The following STX3 variants were observed in gnomAD, a reference collection of about 807,000 sequenced individuals.
The protein encoded by STX3 is syntaxin-3.
A neutral mutation model predicts 40.2 loss-of-function variants in STX3; 19 were observed. The observed-to-expected ratio is 0.47, with a 90% confidence interval of 0.33 to 0.69. The LOEUF is 0.69. STX3 is among the 30% of genes least tolerant of loss of function. STX3 has a pLI of 0.02. For missense variants in STX3, 364 were observed against 366.7 expected (o/e 0.99, Z 0.06); for synonymous variants, 122 against 132.2 (o/e 0.92, Z 0.53).
chr11:59,793,655 T>G, intron 8 of STX3, 141 bp downstream of exon 8: 1 of 1,183,490 alleles, frequency 8.4e-7, no homozygotes, highest in Non-Finnish European at 1.2e-6. Context: ...AGAAACAGAA[T>G]CCCATGGGAA....
chr11:59,802,778 T>A lies in STX3; in HGVS notation c.*1954T>A, dbSNP rs920796368. ...CCATGTGGTGATTTTTATTCAGGTT[T>A]TAGAATGCAGTTCACACCTTTTTAA... is the stretch of plus-strand genomic sequence containing the variant. On this transcript the variant is annotated 3_prime_UTR_variant, in exon 11 of 11. Transcript: ENST00000337979. 1.0e-6 allele frequency: 1 copy of A among 986,244 alleles called. No individual in the cohort carries two copies. The highest frequency in any genetic ancestry group is 1.7e-5 in the African/African-American group (1 of 57,294). 61.1% of individuals were successfully genotyped at this position (986,244 alleles called of 1,614,324 possible).
intron 10 of STX3, chr11:59,799,913 T>A: frequency 1.0e-6 from 1 of 985,380 alleles, no homozygotes; most frequent in Non-Finnish European, 1.2e-6. Flanking sequence ...ACAATCTGAT[T>A]GAAATAGATG....
intron 1 of STX3, among the ~76,000 whole-genome samples, chr11:59,762,735 G>A (rs1863100493): frequency 6.6e-6 from 1 of 152,164 alleles, no homozygotes; most frequent in Non-Finnish European, 1.5e-5. Flanking sequence ...GGGAAGAAGT[G>A]TGGGGTGGAG....
At chr11:59,783,488 T>C (rs1864551379) in intron 2 of STX3, among the ~76,000 whole-genome samples, 1 of 152,226 alleles carries the variant, frequency 6.6e-6, no homozygotes, top group African/African-American at 2.4e-5. Flanking sequence ...CATAGCATCA[T>C]TTCTGATACA....
Position 59,795,365 on chromosome 11 carries a change from T to G in STX3, c.676-7T>G, listed in dbSNP as rs1208459629. The G allele has an allele frequency of 2.5e-6, 4 of 1,610,186 alleles. No homozygotes were observed. In the South Asian group the frequency reaches 3.3e-5, roughly 13 times the overall value. Reference sequence around the variant, plus strand: ...TACTTGGTGTGATCAGAGTCTGTTCTTTGCAGGGTGAGATGTTAGATAACA... The same window carrying G: ...TACTTGGTGTGATCAGAGTCTGTTCGTTGCAGGGTGAGATGTTAGATAACA... On this transcript the variant is annotated splice_region_variant and splice_polypyrimidine_tract_variant and intron_variant, in intron 8 of 10. Transcript: ENST00000337979.
rs1165886401 is a variant in STX3 at position 59,802,820 on chromosome 11, G to C, written c.*1996G>C. On this transcript the variant is annotated 3_prime_UTR_variant, in exon 11 of 11. Coordinates refer to ENST00000337979, the MANE Select transcript of STX3 (RefSeq NM_004177.5). Reference sequence around the variant, plus strand: ...CCTTTTTAAGCCATGTGCTGGATCAGATGGTTCAAAAGTGCAATTTTTGAA... The same window carrying C: ...CCTTTTTAAGCCATGTGCTGGATCACATGGTTCAAAAGTGCAATTTTTGAA... The C allele has an allele frequency of 1.3e-5, 13 of 989,996 alleles. No homozygotes were observed. Among genetic ancestry groups the C allele is most frequent in the Non-Finnish European group, 1.6e-5 (13 of 833,202 alleles). The allele number at this position is 989,996 out of a possible 1,614,324, so 61.3% of individuals were successfully genotyped here.
intron 1 of STX3, among the ~76,000 whole-genome samples, chr11:59,768,185 G>C (rs1863376087): frequency 6.6e-6 from 1 of 152,244 alleles, no homozygotes; most frequent in Non-Finnish European, 1.5e-5. Flanking sequence ...TAAAACCAAA[G>C]AGTACGTTTT....
intron 2 of STX3, among the ~76,000 whole-genome samples, chr11:59,780,930 G>C (rs1210333386): frequency 6.6e-6 from 1 of 152,082 alleles, no homozygotes; most frequent in Non-Finnish European, 1.5e-5. Context: ...GTTTTCATTG[G>C]TCAGTATAAT....
chr11:59,775,538 G>A lies in STX3; in HGVS notation c.114+2244G>A, dbSNP rs552453682. 5.3e-5 allele frequency among the ~76,000 whole-genome samples: 8 copies of A among 152,346 alleles called. No homozygotes were observed. In the South Asian group the frequency reaches 1.0e-3, roughly 20 times the overall value. On this transcript the variant is annotated intron_variant, in intron 2 of 10. Transcript: ENST00000337979. ...ACCCTCTTTGTTAGGTGTGAAGATG[G>A]TGGGCTTTGGCCTCTAAAACATGGT...
chr11:59,787,573 C>T (rs752852978), intron 3 of STX3, among the ~76,000 whole-genome samples: 2 of 152,132 alleles, frequency 1.3e-5, no homozygotes, highest in Non-Finnish European at 2.9e-5. Context: ...ACAGAAATTC[C>T]TTCTATCCCT....
chr11:59,781,318 C>A, intron 2 of STX3: 1 of 1,583,188 alleles, frequency 6.3e-7, no homozygotes, highest in Non-Finnish European at 8.6e-7. Flanking sequence ...AATTTTTATT[C>A]TACTTTTTCA....
In STX3 at chr11:59,802,925, T is replaced by C; in HGVS notation, c.*2101T>C. The C allele has an allele frequency of 2.0e-6, 2 of 985,442 alleles. No homozygotes were observed. Among genetic ancestry groups the C allele is most frequent in the East Asian group, 2.3e-4 (2 of 8,820 alleles). The allele number at this position is 985,442 out of a possible 1,614,324, so 61.0% of individuals were successfully genotyped here. ...GGTGTTCCCCCCAAAAGAATTTGGTTCAGTCCTTGGGAGTATCTGGCTTTA... is the reference window on the plus strand; with the variant it reads ...GGTGTTCCCCCCAAAAGAATTTGGTCCAGTCCTTGGGAGTATCTGGCTTTA... On this transcript the variant is annotated 3_prime_UTR_variant, in exon 11 of 11. Coordinates refer to ENST00000337979, the MANE Select transcript of STX3 (RefSeq NM_004177.5).
intron 1 of STX3, among the ~76,000 whole-genome samples, chr11:59,758,192 G>A (rs1862836096): frequency 6.6e-6 from 1 of 152,154 alleles, no homozygotes; most frequent in Non-Finnish European, 1.5e-5. Flanking sequence ...AGCGTTTTTA[G>A]TAGACAGAGC....
chr11:59,793,165 C>T lies in STX3; in HGVS notation c.533C>T (p.Thr178Ile), dbSNP rs1865306194. The change falls in exon 7 of 11, where the codon ACT becomes ATT. Residue 178 changes from threonine (T) to isoleucine (I), a missense_variant. By Grantham distance (89) the Thr-to-Ile change is moderately conservative (BLOSUM62 -1). Transcript: ENST00000337979. ...MLESGNPAIF[T>I]SGIIDSQISK... ...GAGAGTGGCAACCCGGCCATCTTCACTTCTGGGGTGAGTGCCCTGTGTGCT... is the reference window on the plus strand; with the variant it reads ...GAGAGTGGCAACCCGGCCATCTTCATTTCTGGGGTGAGTGCCCTGTGTGCT... The T allele has an allele frequency of 6.2e-7, 1 of 1,613,318 alleles. No homozygotes were observed. The highest frequency in any genetic ancestry group is 2.2e-5 in the East Asian group (1 of 44,876).
At chr11:59,778,001 G>A (rs76160535) in intron 2 of STX3, among the ~76,000 whole-genome samples, 16,888 of 152,152 alleles carry the variant, frequency 0.11, 1,405 homozygotes, top group African/African-American at 0.22. Context: ...GAGACTGTCA[G>A]TCAGAGCACC....
chr11:59,790,898 A>G (rs1361169927), intron 5 of STX3, among the ~76,000 whole-genome samples: 11 of 152,140 alleles, frequency 7.2e-5, no homozygotes, highest in Admixed American at 6.5e-4. Flanking sequence ...ATTGTTAGTC[A>G]TTGGTTGTCC....
chr11:59,762,874 C>T (rs1863109651), intron 1 of STX3, among the ~76,000 whole-genome samples: 1 of 152,188 alleles, frequency 6.6e-6, no homozygotes, highest in South Asian at 2.1e-4. Flanking sequence ...CCTGAGTGGC[C>T]TTCTTGTAGG....
intron 5 of STX3, among the ~76,000 whole-genome samples, chr11:59,791,864 T>C (rs1385347302): frequency 6.6e-6 from 1 of 152,172 alleles, no homozygotes; most frequent in Non-Finnish European, 1.5e-5. Flanking sequence ...ACCTCTGGCC[T>C]CGCAATTACC....
Position 59,804,505 on chromosome 11 carries a change from C to T in STX3, c.*3681C>T, listed in dbSNP as rs938917832. ...AAACTCTTTAAGGTACCAATGAGAA[C>T]GTGGTTTGTTACTGTCAGAGGCTGT... is the stretch of plus-strand genomic sequence containing the variant. On this transcript the variant is annotated 3_prime_UTR_variant, in exon 11 of 11. Transcript: ENST00000337979. 5 of 152,176 alleles carry T rather than the reference C, an allele frequency of 3.3e-5. No individual in the cohort carries two copies. Among genetic ancestry groups the T allele is most frequent in the African/African-American group, 1.2e-4 (5 of 41,448 alleles). 9.4% of individuals were successfully genotyped at this position (152,176 alleles called of 1,614,324 possible). A position where few individuals can be genotyped will look rare whatever the true frequency, so the allele number is the denominator to read the frequency against.
Sources: gnomAD v4.1 joint callset for allele counts (sites outside exome capture counted in the v4.1 genomes callset) on GRCh38, gnomAD v4.1.1 for gene constraint, MANE v1.5 for transcripts, NCBI Gene and HGNC (gene_info 2026-07-23, HGNC 2026-07-21) for gene names.